Variants in ASXL3 observed in about 807,000 individuals in gnomAD.
The protein encoded by ASXL3 is putative Polycomb group protein ASXL3.
In ASXL3, 34 loss-of-function variants were observed where a neutral mutation model predicts 170.6. The ratio of observed to expected loss-of-function variants is 0.20; its 90% CI spans 0.15 to 0.27. The LOEUF (loss-of-function observed/expected upper bound fraction) is 0.27, where lower values mean the gene tolerates loss of function less well. Ranked by LOEUF, ASXL3 falls within the 10% of genes least tolerant of loss-of-function variation. The probability of loss-of-function intolerance (pLI) is 1.00; values close to 1 mark genes in which losing one functional copy is unlikely to be tolerated. For synonymous variants in ASXL3, 1,002 were observed against 989.1 expected (o/e 1.01, Z -0.24); for missense variants, 2,592 against 2,695.3 (o/e 0.96, Z 0.85).
chr18:33,734,751 GATAA>G (rs375957934), intron 10 of ASXL3, among the ~76,000 whole-genome samples: 2 of 152,106 alleles, frequency 1.3e-5, no homozygotes, highest in South Asian at 2.1e-4. Context: ...ATGCTTTATA[GATAA>G]ATAATTTTAG....
chr18:33,702,676 ATAAT>A lies in ASXL3; in HGVS notation c.879+19114_879+19117del, dbSNP rs781044514. On this transcript the variant is annotated intron_variant, in intron 8 of 11. Coordinates refer to ENST00000269197, the MANE Select transcript of ASXL3 (RefSeq NM_030632.3). ...GTTTATATTTGGTTTGGGGAATGGG[ATAAT>A]TAATTTATGTTAGGTTTTCAGTGGT... 2.6e-5 allele frequency among the ~76,000 whole-genome samples: 4 copies of A among 152,282 alleles called. No homozygotes were observed. The South Asian group carries it at 8.3e-4, about 32-fold the overall frequency.
chr18:33,691,711 A>G (rs180964005), intron 8 of ASXL3, among the ~76,000 whole-genome samples: 115 of 152,286 alleles, frequency 7.6e-4, no homozygotes, highest in Non-Finnish European at 9.7e-4. Context: ...ATATCATGCT[A>G]TGGGAACATA....
intron 8 of ASXL3, among the ~76,000 whole-genome samples, chr18:33,720,735 A>T (rs1371749310): frequency 1.3e-5 from 2 of 152,092 alleles, no homozygotes; most frequent in African/African-American, 4.8e-5. Flanking sequence ...GATCTGTCAA[A>T]GGCTTTATTT....
chr18:33,588,402 A>G (rs528286663), intron 1 of ASXL3, among the ~76,000 whole-genome samples: 1 of 151,716 alleles, frequency 6.6e-6, no homozygotes, highest in South Asian at 2.1e-4. Context: ...CATATAATCA[A>G]AAAGGATCTG....
At chr18:33,658,092 T>C (rs924872588) in intron 4 of ASXL3, among the ~76,000 whole-genome samples, 4 of 152,130 alleles carry the variant, frequency 2.6e-5, no homozygotes, top group Admixed American at 1.3e-4. Flanking sequence ...ATGTCAGTCT[T>C]TGATATTTAT....
chr18:33,580,781 A>G (rs557625346), intron 1 of ASXL3, among the ~76,000 whole-genome samples: 1 of 152,360 alleles, frequency 6.6e-6, no homozygotes, highest in South Asian at 2.1e-4. Context: ...ACGATAGACC[A>G]GATGTCTCTA....
chr18:33,697,392 A>T (rs1324032994), intron 8 of ASXL3, among the ~76,000 whole-genome samples: 3 of 152,148 alleles, frequency 2.0e-5, no homozygotes, highest in Non-Finnish European at 4.4e-5. Context: ...AGTAGTGAAC[A>T]TGCACTAAGC....
intron 8 of ASXL3, among the ~76,000 whole-genome samples, chr18:33,722,697 C>T (rs1478516855): frequency 6.6e-6 from 1 of 152,090 alleles, no homozygotes; most frequent in African/African-American, 2.4e-5. Context: ...ATTCAGAAGA[C>T]CTAGCTAAGA....
At chr18:33,727,251 G>A (rs2067367564) in intron 8 of ASXL3, among the ~76,000 whole-genome samples, 2 of 151,910 alleles carry the variant, frequency 1.3e-5, no homozygotes, top group African/African-American at 4.8e-5. Flanking sequence ...ATACCATGCA[G>A]TTAGAATCAC....
intron 2 of ASXL3, among the ~76,000 whole-genome samples, chr18:33,633,961 A>G (rs1422224471): frequency 2.0e-5 from 3 of 152,300 alleles, no homozygotes; most frequent in Admixed American, 2.0e-4. Flanking sequence ...TTGAAAATAA[A>G]TGTAAAAATC....
intron 8 of ASXL3, among the ~76,000 whole-genome samples, chr18:33,718,860 A>G (rs1036999597): frequency 1.3e-5 from 2 of 152,020 alleles, no homozygotes; most frequent in Non-Finnish European, 2.9e-5. Context: ...CCCATAATCA[A>G]TGAAAGAGAA....
At chr18:33,631,544 C>T (rs942856039) in intron 2 of ASXL3, among the ~76,000 whole-genome samples, 2 of 151,970 alleles carry the variant, frequency 1.3e-5, no homozygotes, top group Non-Finnish European at 2.9e-5. Flanking sequence ...CTCTACAAAC[C>T]TAATATAAAG....
intron 2 of ASXL3, among the ~76,000 whole-genome samples, chr18:33,617,441 A>G (rs2145145298): frequency 6.6e-6 from 1 of 152,286 alleles, no homozygotes; most frequent in African/African-American, 2.4e-5. Context: ...CATTGAGCTG[A>G]GATGATGCCA....
intron 8 of ASXL3, among the ~76,000 whole-genome samples, chr18:33,712,774 A>G (rs1407420286): frequency 1.3e-5 from 2 of 152,192 alleles, no homozygotes; most frequent in South Asian, 4.1e-4. Flanking sequence ...TAGTCAAGGT[A>G]GAAGCTATGT....
chr18:33,621,817 A>G (rs952769937), intron 2 of ASXL3, among the ~76,000 whole-genome samples: 1 of 152,174 alleles, frequency 6.6e-6, no homozygotes, highest in Non-Finnish European at 1.5e-5. Context: ...TTGTCTGTAG[A>G]CAATTTGATT....
intron 7 of ASXL3, among the ~76,000 whole-genome samples, chr18:33,682,979 A>G (rs192280706): frequency 2.6e-5 from 4 of 152,328 alleles, no homozygotes; most frequent in African/African-American, 7.2e-5. Context: ...TATTTTTGCT[A>G]TCAGTATCTC....
At chr18:33,708,215 T>C (rs2066995802) in intron 8 of ASXL3, among the ~76,000 whole-genome samples, 1 of 152,214 alleles carries the variant, frequency 6.6e-6, no homozygotes, top group Non-Finnish European at 1.5e-5. Flanking sequence ...AGGAAAACTA[T>C]ACTCGTAAAG....
chr18:33,730,011 CAGAA>C (rs2067416705), intron 8 of ASXL3, among the ~76,000 whole-genome samples: 1 of 152,122 alleles, frequency 6.6e-6, no homozygotes. Flanking sequence ...ACTGGTCCAA[CAGAA>C]TGAATAATAC....
chr18:33,634,024 C>G (rs187183746), intron 2 of ASXL3, among the ~76,000 whole-genome samples: 19 of 151,928 alleles, frequency 1.3e-4, no homozygotes, highest in African/African-American at 4.1e-4. Flanking sequence ...ACAAAAAGAT[C>G]GGGAAGAAAT....
Sources: allele counts gnomAD v4.1 joint callset (sites outside exome capture counted in the v4.1 genomes callset), GRCh38; gene constraint gnomAD v4.1.1; transcripts MANE v1.5; gene names NCBI Gene and HGNC (gene_info 2026-07-23, HGNC 2026-07-21).